ARL15: variants seen among roughly 807,000 people sequenced by gnomAD.
ARL15 encodes the protein ADP-ribosylation factor-like protein 15.
ARL15 carries 19 observed loss-of-function variants against 25.2 expected under a neutral mutation model. That is an observed-to-expected ratio of 0.75 (90% CI 0.53 to 1.10). The LOEUF is 1.10. ARL15 is among the 50% of genes least tolerant of loss of function. The pLI is 0.00. For synonymous variants in ARL15, 94 were observed against 86.8 expected, an observed-to-expected ratio of 1.08 and a Z score of -0.46; for missense variants, 220 against 246.0, an observed-to-expected ratio of 0.89 and a Z score of 0.71.
At chr5:54,151,455 C>A (rs1456674804) in intron 3 of ARL15, among the ~76,000 whole-genome samples, 3 of 152,022 alleles carry the variant, frequency 2.0e-5, no homozygotes, top group African/African-American at 7.2e-5. Context: ...GAGGGCTGTG[C>A]TTAGATCTTT....
At chr5:54,200,324 A>T (rs1755683611) in intron 1 of ARL15, among the ~76,000 whole-genome samples, 1 of 151,124 alleles carries the variant, frequency 6.6e-6, no homozygotes, top group South Asian at 2.1e-4. Flanking sequence ...AAAAAAGAAA[A>T]AAATAAATAA....
At chr5:54,184,965 A>G (rs1755194798) in intron 1 of ARL15, among the ~76,000 whole-genome samples, 2 of 152,074 alleles carry the variant, frequency 1.3e-5, no homozygotes, top group Non-Finnish European at 1.5e-5. Flanking sequence ...AAATCTTTCT[A>G]TAGCTACCCA....
chr5:54,229,743 G>A (rs1271703873), intron 1 of ARL15, among the ~76,000 whole-genome samples: 1 of 152,194 alleles, frequency 6.6e-6, no homozygotes, highest in Admixed American at 6.5e-5. Context: ...CTAAGAGCTT[G>A]GAAACTGAAA....
intron 4 of ARL15, among the ~76,000 whole-genome samples, chr5:54,076,767 T>C (rs1751622244): frequency 6.6e-6 from 1 of 150,534 alleles, no homozygotes; most frequent in South Asian, 2.1e-4. Flanking sequence ...ATTCATAGTG[T>C]TAATAGAGTC....
At chr5:53,983,102 T>C (rs770671370) in intron 4 of ARL15, among the ~76,000 whole-genome samples, 11 of 152,174 alleles carry the variant, frequency 7.2e-5, no homozygotes, top group Non-Finnish European at 1.5e-4. Flanking sequence ...AATCAGTTGA[T>C]TCCTAGTCTT....
intron 4 of ARL15, among the ~76,000 whole-genome samples, chr5:54,033,644 C>T (rs947152786): frequency 1.3e-5 from 2 of 150,666 alleles, no homozygotes; most frequent in East Asian, 1.9e-4. Flanking sequence ...TGTATTCTAG[C>T]CTGGGCAACA....
chr5:53,915,219 C>T (rs1054731752), intron 4 of ARL15, among the ~76,000 whole-genome samples: 4 of 152,210 alleles, frequency 2.6e-5, no homozygotes, highest in African/African-American at 9.6e-5. Context: ...GGAGGAGATA[C>T]ACAAATACTT....
At chr5:54,210,524 C>A (rs1474641843) in intron 1 of ARL15, among the ~76,000 whole-genome samples, 2 of 152,172 alleles carry the variant, frequency 1.3e-5, no homozygotes, top group Non-Finnish European at 2.9e-5. Context: ...ATGGCCATCA[C>A]AGAACCCAAA....
intron 1 of ARL15, among the ~76,000 whole-genome samples, chr5:54,206,003 C>T (rs1297635984): frequency 6.6e-6 from 1 of 152,134 alleles, no homozygotes. Flanking sequence ...CCTCCACCCC[C>T]AGAATCTGTA....
chr5:53,920,089 G>A (rs1303100659), intron 4 of ARL15, among the ~76,000 whole-genome samples: 1 of 152,118 alleles, frequency 6.6e-6, no homozygotes, highest in African/African-American at 2.4e-5. Context: ...TTAATAGAAA[G>A]CTGTAATATG....
intron 1 of ARL15, among the ~76,000 whole-genome samples, chr5:54,281,173 CTT>C (rs1240715936): frequency 6.6e-6 from 1 of 152,174 alleles, no homozygotes; most frequent in Non-Finnish European, 1.5e-5. Context: ...GAGTTTCGCT[CTT>C]GTCACCCAAG....
At chr5:54,035,496 C>T (rs911506797) in intron 4 of ARL15, among the ~76,000 whole-genome samples, 7 of 152,098 alleles carry the variant, frequency 4.6e-5, no homozygotes, top group Admixed American at 4.6e-4. Context: ...ACTTGGTCAT[C>T]AGAAATGTAA....
At chr5:54,054,049 TAG>T (rs886654077) in intron 4 of ARL15, among the ~76,000 whole-genome samples, 181 of 152,262 alleles carry the variant, frequency 1.2e-3, no homozygotes, top group African/African-American at 4.0e-3. Context: ...CATTCTAAAA[TAG>T]AGTTTATTTA....
intron 4 of ARL15, among the ~76,000 whole-genome samples, chr5:54,030,923 T>C (rs1413004162): frequency 6.6e-6 from 1 of 152,124 alleles, no homozygotes; most frequent in African/African-American, 2.4e-5. Context: ...ATGATTTAGG[T>C]CAACATGTTA....
intron 4 of ARL15, among the ~76,000 whole-genome samples, chr5:54,088,058 C>T (rs549762626): frequency 6.6e-6 from 1 of 152,246 alleles, no homozygotes; most frequent in African/African-American, 2.4e-5. Flanking sequence ...AAATATGATG[C>T]ATCCTAGGAA....
intron 4 of ARL15, among the ~76,000 whole-genome samples, chr5:54,079,749 C>T (rs2112104119): frequency 6.6e-6 from 1 of 152,238 alleles, no homozygotes; most frequent in East Asian, 1.9e-4. Context: ...GTGTGCAAAT[C>T]ACCAGCGGTC....
intron 1 of ARL15, among the ~76,000 whole-genome samples, chr5:54,306,806 A>C (rs959633255): frequency 1.3e-5 from 2 of 152,154 alleles, no homozygotes; most frequent in African/African-American, 4.8e-5. Flanking sequence ...CAATTCTACC[A>C]CTGTTGTTTT....
At chr5:54,166,897 A>G (rs1754589457) in intron 2 of ARL15, among the ~76,000 whole-genome samples, 2 of 152,140 alleles carry the variant, frequency 1.3e-5, no homozygotes, top group Admixed American at 1.3e-4. Context: ...TGTGAATTTT[A>G]CCTTGTTGAG....
chr5:54,004,494 C>CAAA lies in ARL15; in HGVS notation c.462+108705_462+108707dup, dbSNP rs10587860. Among the ~76,000 whole-genome samples, 999 of 126,218 alleles carry CAAA rather than the reference C, an allele frequency of 7.9e-3. 12 individuals carry two copies. The highest frequency in any genetic ancestry group is 0.028 in the African/African-American group (940 of 33,922). The allele number at this position is 126,218 out of a possible 152,430, so 82.8% of individuals were successfully genotyped here. On this transcript the variant is annotated intron_variant, in intron 4 of 4. Coordinates refer to ENST00000504924, the MANE Select transcript of ARL15 (RefSeq NM_019087.3). Reference sequence around the variant, plus strand: ...CTGGTGACAGAGCAAGACTGTGTCTCAAAAAAAAAAAAAAAAAATTCTCAC... The same window carrying CAAA: ...CTGGTGACAGAGCAAGACTGTGTCTCAAAAAAAAAAAAAAAAAAAAATTCTCAC...
Sources: allele counts gnomAD v4.1 joint callset (sites outside exome capture counted in the v4.1 genomes callset), GRCh38; gene constraint gnomAD v4.1.1; transcripts MANE v1.5; gene names NCBI Gene and HGNC (gene_info 2026-07-23, HGNC 2026-07-21).